The following KANSL2 variants were observed in gnomAD, a reference collection of about 807,000 sequenced individuals.
KANSL2 encodes KAT8 regulatory NSL complex subunit 2, also known as NSL complex protein NSL2.
In KANSL2, 34 loss-of-function variants were observed where a neutral mutation model predicts 55.6. The observed-to-expected ratio is 0.61, with a 90% CI of 0.46 to 0.81. The LOEUF is 0.81. Among genes scored for constraint, KANSL2 ranks in the 40% least tolerant of loss-of-function variants. KANSL2 has a pLI of 0.00. For synonymous variants in KANSL2, 209 were observed against 214.3 expected (o/e 0.98, Z 0.22); for missense variants, 502 against 609.9 (o/e 0.82, Z 1.86).
rs1939885232 is a variant in KANSL2, at chr12:48,679,676, T to G, written c.409A>C (p.Ser137Arg). ...TTACCTAGTATTCGGCTGGCTTCAC[T>G]GCGACTACTTTCTGGAGTCTGAGAC... is the stretch of plus-strand genomic sequence containing the variant. ...LGSQTPESSRSEASRILDEDS... is the reference protein window; with the variant it reads ...LGSQTPESSRREASRILDEDS... Residue 137 changes from serine (S) to arginine (R), a missense_variant, in exon 3 of 10, where the codon AGT becomes CGT. Transcript: ENST00000420613. The G allele has an allele frequency of 6.2e-7, 1 of 1,613,746 alleles. No individual in the cohort carries two copies. The highest frequency in any genetic ancestry group is 8.5e-7 in the Non-Finnish European group (1 of 1,179,812).
chr12:48,680,068 G>A, intron 2 of KANSL2: 3 of 442,566 alleles, frequency 6.8e-6, no homozygotes, highest in South Asian at 5.2e-5. Context: ...ACTTTGGGAG[G>A]CTGAGGCAAG....
At chr12:48,672,424 TATATATA>T (rs1336555831) in intron 4 of KANSL2, among the ~76,000 whole-genome samples, 11 of 112,448 alleles carry the variant, frequency 9.8e-5, no homozygotes, top group Middle Eastern at 4.5e-3. Flanking sequence ...TATATATATA[TATATATA>T]TATTTTTTTT....
chr12:48,658,995 T>C (rs2137177715), intron 8 of KANSL2, among the ~76,000 whole-genome samples: 1 of 152,238 alleles, frequency 6.6e-6, no homozygotes, highest in African/African-American at 2.4e-5. Context: ...TCACCAAAGT[T>C]ATCATTAACA....
In KANSL2 at chr12:48,679,786, T is replaced by C. The variant is rs1274437913; in HGVS notation, c.299A>G (p.His100Arg). Residue 100 changes from histidine (H) to arginine (R), a missense_variant, in exon 3 of 10, where the codon CAT becomes CGT. Coordinates refer to ENST00000420613, the MANE Select transcript of KANSL2 (RefSeq NM_017822.4). ...TGGGTTGGTCTTCTTCATTTGAGCA[T>C]GAAGTGCCAGGGCATTCCTACGGAC... ...EHVRRNALAL[H>R]AQMKKTNPGP... 1.9e-6 allele frequency: 3 copies of C among 1,608,714 alleles called. No individual in the cohort carries two copies. Among genetic ancestry groups the C allele is most frequent in the Admixed American group, 1.7e-5 (1 of 59,134 alleles).
chr12:48,658,826 TGA>T (rs917790568), intron 8 of KANSL2, among the ~76,000 whole-genome samples: 1 of 152,162 alleles, frequency 6.6e-6, no homozygotes, highest in African/African-American at 2.4e-5. Flanking sequence ...CAATAGAGAA[TGA>T]GAGAGAAGGA....
intron 4 of KANSL2, 100 bp from the exon 5 acceptor site, chr12:48,672,062 G>C (rs752148344): frequency 1.8e-5 from 18 of 996,248 alleles, no homozygotes; most frequent in Non-Finnish European, 2.6e-5. Context: ...TATTTAACAA[G>C]TGGTGACATA....
intron 4 of KANSL2, among the ~76,000 whole-genome samples, chr12:48,672,433 A>ATTTTTT (rs1555155470): frequency 1.2e-4 from 14 of 120,378 alleles, no homozygotes; most frequent in African/African-American, 5.1e-4. Flanking sequence ...ATATATATAT[A>ATTTTTT]TTTTTTTTTT....
chr12:48,671,881 A>T lies in KANSL2; in HGVS notation c.627T>A (p.Asp209Glu), dbSNP rs752566556. ...GCAGATGCTGAAGTCGTTTAAACTG[A>T]TCAATATACAACGACTGCAAACGAA... ...KLIRLQSLYIDQFKRLQHLLK... is the reference protein window; with the variant it reads ...KLIRLQSLYIEQFKRLQHLLK... The change falls in exon 5 of 10, where the codon GAT becomes GAA. Residue 209 changes from aspartate to glutamate, a missense_variant. Physicochemically the swap from Asp to Glu is conservative, Grantham distance 45 (BLOSUM62 2). Coordinates refer to ENST00000420613, the MANE Select transcript of KANSL2 (RefSeq NM_017822.4). 3 of 1,613,320 alleles carry T rather than the reference A, an allele frequency of 1.9e-6. No individual in the cohort carries two copies. The Admixed American group carries it at 5.0e-5, about 27-fold the overall frequency.
intron 2 of KANSL2, among the ~76,000 whole-genome samples, chr12:48,680,318 A>T (rs1240327871): frequency 2.6e-5 from 4 of 152,064 alleles, no homozygotes; most frequent in Admixed American, 1.3e-4. Context: ...CAGCCTCCCA[A>T]GTAGTGGGGA....
At chr12:48,681,172 G>T in intron 2 of KANSL2, 3 of 377,422 alleles carry the variant, frequency 7.9e-6, no homozygotes, top group African/African-American at 2.3e-5. Flanking sequence ...TTATTTTACA[G>T]ATAAGGGAAA....
At chr12:48,673,663 T>C (rs117825553) in intron 4 of KANSL2, among the ~76,000 whole-genome samples, 1,603 of 152,032 alleles carry the variant, frequency 0.011, 13 homozygotes, top group Non-Finnish European at 0.017. Flanking sequence ...AATTAAGAGA[T>C]GAGGCCAGGT....
At position 48,678,135 on chromosome 12, in the gene KANSL2, A is replaced by C. The variant is rs557413789; in HGVS notation, c.545+901T>G. ...AATGCTATTGCAAGAACAAAAGCCC[A>C]ATAGTCAATCTAGAAATTACCCCTT... is the stretch of plus-strand genomic sequence containing the variant. On this transcript the variant is annotated intron_variant, in intron 4 of 9. Coordinates refer to ENST00000420613, the MANE Select transcript of KANSL2 (RefSeq NM_017822.4). 6.6e-5 allele frequency among the ~76,000 whole-genome samples: 10 copies of C among 152,360 alleles called. No homozygotes were observed. The South Asian group carries it at 1.9e-3, about 28-fold the overall frequency.
At chr12:48,676,550 C>T (rs1303762510) in intron 4 of KANSL2, among the ~76,000 whole-genome samples, 3 of 151,908 alleles carry the variant, frequency 2.0e-5, no homozygotes, top group East Asian at 1.9e-4. Flanking sequence ...CCCAGCTACT[C>T]GGGAGGCTGA....
At chr12:48,678,768 G>A (rs1194593184) in intron 4 of KANSL2, among the ~76,000 whole-genome samples, 1 of 152,120 alleles carries the variant, frequency 6.6e-6, no homozygotes, top group Non-Finnish European at 1.5e-5. Flanking sequence ...ACACTCCCAT[G>A]TCTAAATTTC....
chr12:48,667,825 A>G, intron 6 of KANSL2, 36 bp from the exon 7 acceptor site: 1 of 1,400,216 alleles, frequency 7.1e-7, no homozygotes, highest in Non-Finnish European at 1.0e-6. Flanking sequence ...TAGACCCACA[A>G]AAGAACACAC....
chr12:48,669,319 G>C, intron 5 of KANSL2, 47 bp from the exon 6 acceptor site: 1 of 1,427,092 alleles, frequency 7.0e-7, no homozygotes, highest in Non-Finnish European at 9.4e-7. Flanking sequence ...AATCCATCAA[G>C]GTTACGTCTC....
chr12:48,668,062 AATT>A (rs1939636022), intron 6 of KANSL2, among the ~76,000 whole-genome samples: 1 of 152,198 alleles, frequency 6.6e-6, no homozygotes, highest in African/African-American at 2.4e-5. Context: ...AGAACTCTGA[AATT>A]GCAGCCTTAA....
chr12:48,677,123 TCTCA>T (rs1288530865), intron 4 of KANSL2, among the ~76,000 whole-genome samples: 3 of 152,302 alleles, frequency 2.0e-5, no homozygotes, highest in African/African-American at 7.2e-5. Flanking sequence ...TAAAAAATAA[TCTCA>T]CTGAGGAAAA....
intron 1 of KANSL2, 177 bp from the exon 2 acceptor site, chr12:48,681,818 T>C (rs775737638): frequency 7.8e-6 from 6 of 767,642 alleles, no homozygotes; most frequent in Admixed American, 4.0e-5. Flanking sequence ...TGCCTCCCTT[T>C]AGCGTGTCCC....
Sources: gnomAD v4.1 joint callset for allele counts (sites outside exome capture counted in the v4.1 genomes callset) on GRCh38, gnomAD v4.1.1 for gene constraint, MANE v1.5 for transcripts, NCBI Gene and HGNC (gene_info 2026-07-23, HGNC 2026-07-21) for gene names.